The following DSCAM variants were observed in gnomAD, a reference collection of about 807,000 sequenced individuals.
DSCAM encodes cell adhesion molecule DSCAM.
In DSCAM, 47 loss-of-function variants were observed where a neutral mutation model predicts 217.7. The observed-to-expected ratio is 0.22, with a 90% CI of 0.17 to 0.28. The LOEUF is 0.28. DSCAM is among the 10% of genes least tolerant of loss of function. DSCAM has a pLI of 1.00. For synonymous variants in DSCAM, 1,056 were observed against 1,015.3 expected, an observed-to-expected ratio of 1.04 and a Z score of -0.76; for missense variants, 2,080 against 2,618.3, an observed-to-expected ratio of 0.79 and a Z score of 4.49.
At chr21:40,149,832 C>A (rs1568968876) in intron 16 of DSCAM, among the ~76,000 whole-genome samples, 1 of 150,322 alleles carries the variant, frequency 6.7e-6, no homozygotes, top group Non-Finnish European at 1.5e-5. Flanking sequence ...AACACCAACA[C>A]CACTGTCACC....
intron 11 of DSCAM, among the ~76,000 whole-genome samples, chr21:40,228,636 C>CTCTT (rs373889295): frequency 6.7e-4 from 99 of 147,108 alleles, no homozygotes; most frequent in African/African-American, 2.4e-3. Context: ...CCCCCTCCAC[C>CTCTT]TCTTTTCTTT....
intron 3 of DSCAM, among the ~76,000 whole-genome samples, chr21:40,568,337 G>A (rs1027933599): frequency 6.6e-6 from 1 of 151,980 alleles, no homozygotes; most frequent in African/African-American, 2.4e-5. Context: ...TAAGATTGCT[G>A]GTCTAGTTGA....
intron 11 of DSCAM, among the ~76,000 whole-genome samples, chr21:40,205,565 T>C (rs988772716): frequency 6.8e-6 from 1 of 147,872 alleles, no homozygotes; most frequent in Non-Finnish European, 1.5e-5. Flanking sequence ...ATTGCACCAT[T>C]GCACTCCAGC....
chr21:40,127,473 G>C (rs1304749909), intron 19 of DSCAM, among the ~76,000 whole-genome samples: 1 of 152,176 alleles, frequency 6.6e-6, no homozygotes, highest in African/African-American at 2.4e-5. Context: ...GAATTCCTGG[G>C]CATCATAGAG....
At chr21:40,485,256 T>C (rs1050149147) in intron 3 of DSCAM, among the ~76,000 whole-genome samples, 3 of 138,746 alleles carry the variant, frequency 2.2e-5, no homozygotes, top group African/African-American at 8.8e-5. Flanking sequence ...TTTTTTTTTT[T>C]TTGAGACGGA....
chr21:40,301,034 T>G (rs1291313393), intron 9 of DSCAM, among the ~76,000 whole-genome samples: 1 of 152,200 alleles, frequency 6.6e-6, no homozygotes, highest in Non-Finnish European at 1.5e-5. Context: ...TTCTTTCCAT[T>G]CTGGGATCCA....
At chr21:40,339,498 G>A in intron 6 of DSCAM, 83 bp from the exon 7 acceptor site, 1 of 1,328,376 alleles carries the variant, frequency 7.5e-7, no homozygotes, top group Non-Finnish European at 1.0e-6. Flanking sequence ...ATGTCTAGGG[G>A]GTAAATGTCG....
chr21:40,772,800 A>T (rs1295888201), intron 1 of DSCAM, among the ~76,000 whole-genome samples: 1 of 152,210 alleles, frequency 6.6e-6, no homozygotes, highest in Non-Finnish European at 1.5e-5. Flanking sequence ...GGCTGCCACC[A>T]TTATGGACCA....
chr21:40,426,723 T>G (rs562469775), intron 3 of DSCAM, among the ~76,000 whole-genome samples: 1 of 152,122 alleles, frequency 6.6e-6, no homozygotes, highest in African/African-American at 2.4e-5. Flanking sequence ...CCAGCAAGCT[T>G]TGTTGTGTGC....
intron 11 of DSCAM, among the ~76,000 whole-genome samples, chr21:40,252,154 C>T (rs1188942290): frequency 2.6e-5 from 4 of 152,174 alleles, no homozygotes. Flanking sequence ...TGTCTGGACT[C>T]CTGGACCCAC....
In DSCAM at chr21:40,498,698, GATATATATA is replaced by G. The variant is rs2076143344; in HGVS notation, c.509-129462_509-129454del. Among the ~76,000 whole-genome samples, 4 of 9,288 alleles carry G rather than the reference GATATATATA, an allele frequency of 4.3e-4. 1 individual carries two copies. Among genetic ancestry groups the G allele is most frequent in the African/African-American group, 2.2e-3 (3 of 1,346 alleles). The allele number at this position is 9,288 out of a possible 152,430, so 6.1% of individuals were successfully genotyped here. A position where few individuals can be genotyped will look rare whatever the true frequency, so the allele number is the denominator to read the frequency against. ...ATATATATATATATATATATATATA[GATATATATA>G]TATGGGTGTATATATATATGGGTGT... On this transcript the variant is annotated intron_variant, in intron 3 of 32. Transcript: ENST00000400454.
intron 11 of DSCAM, among the ~76,000 whole-genome samples, chr21:40,254,635 C>A (rs559378573): frequency 8.8e-4 from 134 of 152,254 alleles, no homozygotes; most frequent in Non-Finnish European, 1.4e-3. Context: ...CCAGCCCCAG[C>A]CACCTTGGAA....
At chr21:40,636,760 C>CTTT (rs3070821) in intron 3 of DSCAM, among the ~76,000 whole-genome samples, 2 of 133,606 alleles carry the variant, frequency 1.5e-5, no homozygotes, top group African/African-American at 5.5e-5. Flanking sequence ...GGTCTCATGA[C>CTTT]TTTTTTTTTT....
At chr21:40,275,744 T>TCCA (rs2073678041) in intron 11 of DSCAM, among the ~76,000 whole-genome samples, 1 of 152,128 alleles carries the variant, frequency 6.6e-6, no homozygotes. Flanking sequence ...ATTGAGTTTT[T>TCCA]CCACGGGAAA....
chr21:40,348,179 T>C, intron 5 of DSCAM, among the ~76,000 whole-genome samples: 3 of 152,200 alleles, frequency 2.0e-5, no homozygotes, highest in African/African-American at 4.8e-5. Context: ...TCCACACAGT[T>C]CCTATCAGCC....
At chr21:40,694,990 G>C (rs2090580862) in intron 2 of DSCAM, among the ~76,000 whole-genome samples, 1 of 152,166 alleles carries the variant, frequency 6.6e-6, no homozygotes, top group African/African-American at 2.4e-5. Context: ...TCAACAGAGA[G>C]AGTCTACCGT....
intron 9 of DSCAM, among the ~76,000 whole-genome samples, chr21:40,304,492 A>T (rs927728378): frequency 6.6e-6 from 1 of 152,250 alleles, no homozygotes; most frequent in African/African-American, 2.4e-5. Context: ...ATTGCCCTCA[A>T]GAACTTTTCC....
intron 3 of DSCAM, among the ~76,000 whole-genome samples, chr21:40,554,427 G>C (rs2076655052): frequency 6.6e-6 from 1 of 152,134 alleles, no homozygotes; most frequent in South Asian, 2.1e-4. Flanking sequence ...CATGGGGAAA[G>C]TTCTTCTGTG....
Position 40,013,219 on chromosome 21 carries a change from A to G in DSCAM, c.5854T>C (p.Ser1952Pro), listed in dbSNP as rs985914558. The G allele has an allele frequency of 6.2e-7, 1 of 1,613,654 alleles. No individual in the cohort carries two copies. The highest frequency in any genetic ancestry group is 8.5e-7 in the Non-Finnish European group (1 of 1,179,860). The change falls in exon 33 of 33, where the codon TCC (serine) becomes CCC (proline). Residue 1952 changes from serine (S) to proline (P), a missense_variant. Ser to Pro is a moderately conservative substitution (Grantham distance 74). This residue lies in a region of DSCAM where 145 missense variants were observed against 138.5 expected (regional missense o/e 1.05). Coordinates refer to ENST00000400454, the MANE Select transcript of DSCAM (RefSeq NM_001389.5). ...CCTTCTCTCGTGGAGGAGGCGGAGG[A>G]GGCGGCTTCCATCGGGATGGGCTCC... Reference protein sequence around the residue: ...VLEPIPMEAASSASSTREGQS... With the variant: ...VLEPIPMEAAPSASSTREGQS...
Sources: allele counts gnomAD v4.1 joint callset (sites outside exome capture counted in the v4.1 genomes callset), GRCh38; gene constraint gnomAD v4.1.1; regional missense constraint gnomAD v4.1.1; transcripts MANE v1.5; gene names NCBI Gene and HGNC (gene_info 2026-07-23, HGNC 2026-07-21).